FBN2: variants seen among roughly 807,000 people sequenced by gnomAD.
FBN2 encodes the protein fibrillin 2.
FBN2 carries 105 observed loss-of-function variants against 355.6 expected under a neutral mutation model. That is an observed-to-expected ratio of 0.30 (90% CI 0.25 to 0.35). The LOEUF is 0.35. Ranked by LOEUF, FBN2 falls within the 10% of genes least tolerant of loss-of-function variation. The pLI is 1.00. For missense variants in FBN2, 3,280 were observed against 3,758.7 expected, an observed-to-expected ratio of 0.87 and a Z score of 3.33; for synonymous variants, 1,350 against 1,301.2, an observed-to-expected ratio of 1.04 and a Z score of -0.81.
chr5:128,265,066 G>A (rs1765085780), intron 62 of FBN2, among the ~76,000 whole-genome samples: 1 of 152,202 alleles, frequency 6.6e-6, no homozygotes, highest in African/African-American at 2.4e-5. Context: ...TAGCCTTTAT[G>A]GCAGGGGAAG....
chr5:128,466,976 G>GT (rs987692590), intron 5 of FBN2, among the ~76,000 whole-genome samples: 3 of 151,896 alleles, frequency 2.0e-5, no homozygotes, highest in South Asian at 2.1e-4. Context: ...GGAAAAGTCT[G>GT]TTTTTTTGCA....
intron 5 of FBN2, among the ~76,000 whole-genome samples, chr5:128,500,498 T>G (rs1755781527): frequency 7.3e-6 from 1 of 136,784 alleles, no homozygotes; most frequent in African/African-American, 2.8e-5. Context: ...GCCGGACTGC[T>G]GTGGCGCGAT....
chr5:128,369,119 C>T lies in FBN2; in HGVS notation c.2248+63G>A, dbSNP rs1751860141. 5.2e-6 allele frequency: 8 copies of T among 1,529,948 alleles called. No individual in the cohort carries two copies. In the East Asian group the frequency reaches 1.6e-4, roughly 30 times the overall value. The allele number at this position is 1,529,948 out of a possible 1,614,324, so 94.8% of individuals were successfully genotyped here. On this transcript the variant is annotated intron_variant, in intron 16 of 64. Coordinates refer to ENST00000262464, the MANE Select transcript of FBN2 (RefSeq NM_001999.4). ...ACTTAAGAGCTGATGTTCTCTTTGG[C>T]CAAACATCTAAGGTTGTATTTCTTG...
At chr5:128,330,178 T>C (rs1198797913) in intron 33 of FBN2, among the ~76,000 whole-genome samples, 1 of 152,210 alleles carries the variant, frequency 6.6e-6, no homozygotes, top group East Asian at 1.9e-4. Context: ...TTATTACTAT[T>C]GCATTTTAAA....
chr5:128,275,706 G>T (rs886138152), intron 59 of FBN2, among the ~76,000 whole-genome samples: 4 of 152,104 alleles, frequency 2.6e-5, no homozygotes, highest in African/African-American at 7.2e-5. Context: ...GTAGCTTAGA[G>T]AAATAAAAGC....
Position 128,393,208 on chromosome 5 carries a change from G to T in FBN2, c.1392C>A (p.Gly464=). The change falls in exon 10 of 65, where the codon GGC becomes GGA. Residue 464 remains glycine (G), a synonymous_variant. Transcript: ENST00000262464. ...GGTGFIPIPG[G]NGFSPGVGGA... ...CCCCAACGCCAGGAGAAAAGCCATTGCCTCCAGGGATGGGGATGAAGCCTG... is the reference window on the plus strand; with the variant it reads ...CCCCAACGCCAGGAGAAAAGCCATTTCCTCCAGGGATGGGGATGAAGCCTG... 6.2e-7 allele frequency: 1 copy of T among 1,614,160 alleles called. No individual in the cohort carries two copies. The highest frequency in any genetic ancestry group is 1.1e-5 in the South Asian group (1 of 91,076).
intron 45 of FBN2, among the ~76,000 whole-genome samples, chr5:128,303,383 T>A (rs1749773992): frequency 1.3e-5 from 2 of 152,170 alleles, no homozygotes; most frequent in Non-Finnish European, 2.9e-5. Context: ...AATGAGCAGG[T>A]CTGCTTAATA....
intron 5 of FBN2, among the ~76,000 whole-genome samples, chr5:128,488,221 C>G (rs1253960600): frequency 6.6e-6 from 1 of 152,070 alleles, no homozygotes; most frequent in African/African-American, 2.4e-5. Flanking sequence ...GAATTTTAAG[C>G]TGGCATTCAC....
chr5:128,513,488 C>T (rs1409112027), intron 5 of FBN2, among the ~76,000 whole-genome samples: 1 of 152,142 alleles, frequency 6.6e-6, no homozygotes, highest in African/African-American at 2.4e-5. Flanking sequence ...TTGCAGGTTT[C>T]CCTGCCTGTA....
chr5:128,382,863 C>T (rs941798548), intron 11 of FBN2, among the ~76,000 whole-genome samples: 6 of 151,960 alleles, frequency 3.9e-5, no homozygotes, highest in African/African-American at 1.4e-4. Context: ...TACTAGCTGG[C>T]GTTTTTGTTC....
Position 128,304,999 on chromosome 5 carries a change from G to A in FBN2, c.5758C>T (p.His1920Tyr). Residue 1920 changes from histidine to tyrosine, a missense_variant, in exon 45 of 65, where the codon CAC (histidine) becomes TAC (tyrosine). Physicochemically the swap from His to Tyr is moderately conservative, Grantham distance 83. Transcript: ENST00000262464. ...TCCTGAGAAGCCTTAAAGCCATTGT[G>A]GCAGATGCACTGGTAACTTCCTTGC... ...DLQGSYQCIC[H>Y]NGFKASQDQT... 1 of 1,613,910 alleles carries A rather than the reference G, an allele frequency of 6.2e-7. No homozygotes were observed. The highest frequency in any genetic ancestry group is 8.5e-7 in the Non-Finnish European group (1 of 1,179,986).
At chr5:128,530,353 T>C (rs1360952217) in intron 3 of FBN2, among the ~76,000 whole-genome samples, 2 of 152,252 alleles carry the variant, frequency 1.3e-5, no homozygotes, top group African/African-American at 2.4e-5. Flanking sequence ...TGTTTGAGAC[T>C]ATACACTTAG....
chr5:128,409,601 G>T (rs1236624286), intron 7 of FBN2, among the ~76,000 whole-genome samples: 1 of 152,074 alleles, frequency 6.6e-6, no homozygotes, highest in African/African-American at 2.4e-5. Context: ...GGGATAACTG[G>T]GAGCTAATTG....
chr5:128,374,530 T>G (rs1305782426), intron 15 of FBN2, 98 bp downstream of exon 15: 1 of 1,513,858 alleles, frequency 6.6e-7, no homozygotes, highest in Non-Finnish European at 9.2e-7. Context: ...GCATGTACTC[T>G]TCTTATGGTG....
intron 23 of FBN2, among the ~76,000 whole-genome samples, chr5:128,348,263 T>TG (rs1285010619): frequency 1.1e-4 from 17 of 152,304 alleles, no homozygotes; most frequent in African/African-American, 4.1e-4. Flanking sequence ...TCGATAGTTT[T>TG]GGGGGAATAT....
intron 14 of FBN2, 38 bp downstream of exon 14, chr5:128,376,693 C>T: frequency 6.2e-7 from 1 of 1,612,110 alleles, no homozygotes; most frequent in South Asian, 1.1e-5. Flanking sequence ...AAGGTGGTTT[C>T]AATCATGGTC....
At chr5:128,525,087 A>G in intron 4 of FBN2, among the ~76,000 whole-genome samples, 1 of 152,132 alleles carries the variant, frequency 6.6e-6, no homozygotes, top group Non-Finnish European at 1.5e-5. Flanking sequence ...ACATACATAC[A>G]CACGTATGCC....
intron 48 of FBN2, among the ~76,000 whole-genome samples, chr5:128,298,744 T>G (rs896213091): frequency 3.2e-4 from 48 of 152,190 alleles, no homozygotes; most frequent in Non-Finnish European, 5.9e-4. Context: ...TCATCTAAAT[T>G]TTTTTCAAAG....
chr5:128,297,427 G>C (rs909887003), intron 48 of FBN2, among the ~76,000 whole-genome samples: 3 of 152,150 alleles, frequency 2.0e-5, no homozygotes, highest in African/African-American at 7.2e-5. Flanking sequence ...GTCTAATGTT[G>C]ACAGTGGGGT....
Sources: gnomAD v4.1 joint callset for allele counts (sites outside exome capture counted in the v4.1 genomes callset) on GRCh38, gnomAD v4.1.1 for gene constraint, MANE v1.5 for transcripts, NCBI Gene and HGNC (gene_info 2026-07-23, HGNC 2026-07-21) for gene names.